Variants in VWA8 observed in about 807,000 individuals in gnomAD.
VWA8 encodes von Willebrand factor A domain containing 8, also known as von Willebrand factor A domain-containing protein 8.
A neutral mutation model predicts 241.5 loss-of-function variants in VWA8; 221 were observed. The observed-to-expected ratio is 0.91, with a 90% CI of 0.82 to 1.02. VWA8 has a LOEUF of 1.02. Ranked by LOEUF, VWA8 falls within the 50% of genes least tolerant of loss-of-function variation. The pLI is 0.00. For synonymous variants in VWA8, 852 were observed against 827.1 expected (o/e 1.03, Z -0.52); for missense variants, 2,322 against 2,328.7 (o/e 1.00, Z 0.06).
chr13:41,734,709 T>C (rs1041013887), intron 21 of VWA8, among the ~76,000 whole-genome samples: 5 of 152,226 alleles, frequency 3.3e-5, no homozygotes, highest in African/African-American at 1.2e-4. Flanking sequence ...CCCATCACCA[T>C]AATCCTGGCT....
intron 9 of VWA8, among the ~76,000 whole-genome samples, chr13:41,881,927 C>T (rs1466805682): frequency 2.0e-5 from 3 of 149,752 alleles, no homozygotes; most frequent in Admixed American, 6.6e-5. Context: ...CCCTCCCGGA[C>T]GGGGTGGCTG....
At chr13:41,606,621 A>C (rs2044555266) in intron 39 of VWA8, among the ~76,000 whole-genome samples, 1 of 152,144 alleles carries the variant, frequency 6.6e-6, no homozygotes, top group South Asian at 2.1e-4. Context: ...TGTATTTTTT[A>C]TCACCTTGAG....
chr13:41,789,922 C>A (rs1566458514), intron 17 of VWA8, among the ~76,000 whole-genome samples: 1 of 151,970 alleles, frequency 6.6e-6, no homozygotes, highest in Non-Finnish European at 1.5e-5. Flanking sequence ...TATATTTGTG[C>A]CTTAATTACT....
At chr13:41,642,508 G>A (rs1363261824) in intron 37 of VWA8, among the ~76,000 whole-genome samples, 3 of 148,064 alleles carry the variant, frequency 2.0e-5, no homozygotes, top group South Asian at 2.1e-4. Flanking sequence ...ACAGTGAGCC[G>A]AGATGGCGCC....
At chr13:41,804,423 A>C (rs1473964087) in intron 17 of VWA8, among the ~76,000 whole-genome samples, 1 of 152,196 alleles carries the variant, frequency 6.6e-6, no homozygotes, top group African/African-American at 2.4e-5. Flanking sequence ...AATATCCTTC[A>C]AACATGAAGG....
intron 21 of VWA8, among the ~76,000 whole-genome samples, chr13:41,748,284 T>C (rs1271055485): frequency 1.3e-5 from 2 of 152,224 alleles, no homozygotes; most frequent in Admixed American, 6.5e-5. Context: ...GATCCTGTTA[T>C]TGGTCTATTC....
At chr13:41,907,980 A>C (rs907910883) in intron 3 of VWA8, among the ~76,000 whole-genome samples, 1 of 152,218 alleles carries the variant, frequency 6.6e-6, no homozygotes, top group Non-Finnish European at 1.5e-5. Flanking sequence ...TTCCTGTAGA[A>C]TTATTTCCAA....
chr13:41,693,913 T>C (rs1245596209), intron 29 of VWA8, among the ~76,000 whole-genome samples: 1 of 151,990 alleles, frequency 6.6e-6, no homozygotes, highest in Non-Finnish European at 1.5e-5. Flanking sequence ...TCTTTCTTTG[T>C]TTTATTTTAT....
rs76399559 is a variant in VWA8, at chr13:41,895,154, T to C, written c.484-3567A>G. Among the ~76,000 whole-genome samples the C allele has an allele frequency of 6.3e-3, 954 of 152,210 alleles. 6 individuals are homozygous for C. Among genetic ancestry groups the C allele is most frequent in the African/African-American group, 0.022 (906 of 41,534 alleles). ...TTGGTCTGTTTACTGAGTGGGAACA[T>C]GGTAGGGCCTACAAGTTTATAACTG... On this transcript the variant is annotated intron_variant, in intron 4 of 44. Transcript: ENST00000379310.
intron 29 of VWA8, among the ~76,000 whole-genome samples, chr13:41,698,446 G>A (rs543102931): frequency 1.5e-4 from 23 of 152,024 alleles, no homozygotes; most frequent in Non-Finnish European, 2.8e-4. Flanking sequence ...GCCTGACTCC[G>A]GGCATCTGTG....
intron 4 of VWA8, among the ~76,000 whole-genome samples, chr13:41,904,635 C>A (rs2138102904): frequency 6.6e-6 from 1 of 152,176 alleles, no homozygotes; most frequent in South Asian, 2.1e-4. Context: ...TAAAAAATAT[C>A]CTGAATTTTA....
At chr13:41,591,237 A>G (rs773762107) in intron 40 of VWA8, among the ~76,000 whole-genome samples, 2 of 152,228 alleles carry the variant, frequency 1.3e-5, no homozygotes, top group Admixed American at 6.5e-5. Flanking sequence ...GCTGAAAACA[A>G]TAGTATGTGA....
In VWA8 at chr13:41,573,482, AAAAAAT is replaced by A. The variant is rs1412563138; in HGVS notation, c.5370+2252_5370+2257del. ...ACAGGGTGGCTATAGTTTAAAAAAA[AAAAAAT>A]ATATATATATATATATATACCTCTC... On this transcript the variant is annotated intron_variant, in intron 43 of 44. Transcript: ENST00000379310. Among the ~76,000 whole-genome samples, 14 of 114,630 alleles carry A rather than the reference AAAAAAT, an allele frequency of 1.2e-4. No homozygotes were observed. The South Asian group carries it at 1.5e-3, about 12-fold the overall frequency. The allele number at this position is 114,630 out of a possible 152,430, so 75.2% of individuals were successfully genotyped here.
chr13:41,816,834 C>A, intron 15 of VWA8, 59 bp from the exon 16 acceptor site: 1 of 1,286,676 alleles, frequency 7.8e-7, no homozygotes, highest in African/African-American at 1.5e-5. Flanking sequence ...TCTGATCAAT[C>A]AATCAGAAAT....
chr13:41,853,395 C>T (rs1214287288), intron 12 of VWA8, among the ~76,000 whole-genome samples: 5 of 152,026 alleles, frequency 3.3e-5, no homozygotes, highest in Non-Finnish European at 4.4e-5. Flanking sequence ...TTTCACAAAA[C>T]GAGTCTGAAA....
intron 37 of VWA8, among the ~76,000 whole-genome samples, chr13:41,670,714 T>C (rs776605080): frequency 6.6e-6 from 1 of 152,232 alleles, no homozygotes; most frequent in Non-Finnish European, 1.5e-5. Context: ...TGGTGTGATG[T>C]CAGTAACCTG....
intron 26 of VWA8, among the ~76,000 whole-genome samples, chr13:41,712,803 TAATA>T (rs1275865674): frequency 6.6e-6 from 1 of 152,134 alleles, no homozygotes; most frequent in Non-Finnish European, 1.5e-5. Flanking sequence ...CCCCAAAACC[TAATA>T]GATAATAGAA....
intron 37 of VWA8, among the ~76,000 whole-genome samples, chr13:41,621,316 A>G (rs1175250542): frequency 6.6e-6 from 1 of 152,220 alleles, no homozygotes; most frequent in East Asian, 1.9e-4. Flanking sequence ...GAAGTTTGGT[A>G]GATCTGGTGT....
intron 16 of VWA8, among the ~76,000 whole-genome samples, chr13:41,813,606 G>C (rs1438038264): frequency 6.6e-6 from 1 of 152,002 alleles, no homozygotes; most frequent in African/African-American, 2.4e-5. Flanking sequence ...CTGAATTCAG[G>C]CTTCACATTT....
Sources: gnomAD v4.1 joint callset for allele counts (sites outside exome capture counted in the v4.1 genomes callset) on GRCh38, gnomAD v4.1.1 for gene constraint, MANE v1.5 for transcripts, NCBI Gene and HGNC (gene_info 2026-07-23, HGNC 2026-07-21) for gene names.